Variants in PLXND1 observed in about 807,000 individuals in gnomAD.
PLXND1 encodes plexin D1, also known as plexin-D1.
A neutral mutation model predicts 197.7 loss-of-function variants in PLXND1; 54 were observed. The ratio of observed to expected loss-of-function variants is 0.27; its 90% CI spans 0.22 to 0.34. PLXND1 has a LOEUF of 0.34. PLXND1 is among the 10% of genes least tolerant of loss of function. The pLI, the probability that PLXND1 is intolerant of heterozygous loss-of-function variation, is 1.00. For missense variants in PLXND1, 2,127 were observed against 2,699.2 expected, an observed-to-expected ratio of 0.79 and a Z score of 4.70; for synonymous variants, 1,180 against 1,161.2, an observed-to-expected ratio of 1.02 and a Z score of -0.33.
Position 129,572,626 on chromosome 3 carries a change from G to C in PLXND1, c.3060C>G (p.Asp1020Glu). The C allele has an allele frequency of 6.3e-7, 1 of 1,581,286 alleles. No individual in the cohort carries two copies. The highest frequency in any genetic ancestry group is 2.2e-5 in the East Asian group (1 of 44,592). The change falls in exon 15 of 36, where the codon GAC (aspartate) becomes GAG (glutamate). Residue 1020 changes from aspartate to glutamate, a missense_variant. Transcript: ENST00000324093. ...AGGCTTACATCAGCTCCGTGCAGGG[G>C]TCTGTGTCGTTCACCAGGACCTGGA... Reference protein sequence around the residue: ...SELQVLVNDTDPCTELMRTDT... With the variant: ...SELQVLVNDTEPCTELMRTDT...
At position 129,555,358 on chromosome 3, in the gene PLXND1, G is replaced by A. The variant is rs1255108227; in HGVS notation, c.*954C>T. ...CATGGCCCATCGGCCACAGAGGGTC[G>A]TTTCTGGCAGGAACGGAGTGGGTGG... On this transcript the variant is annotated 3_prime_UTR_variant, in exon 36 of 36. Coordinates refer to ENST00000324093, the MANE Select transcript of PLXND1 (RefSeq NM_015103.3). 2.0e-5 allele frequency: 12 copies of A among 600,474 alleles called. No individual in the cohort carries two copies. Among genetic ancestry groups the A allele is most frequent in the Non-Finnish European group, 5.8e-6 (2 of 342,704 alleles). The allele number at this position is 600,474 out of a possible 1,614,324, so 37.2% of individuals were successfully genotyped here. A position where few individuals can be genotyped will look rare whatever the true frequency, so the allele number is the denominator to read the frequency against.
intron 8 of PLXND1, among the ~76,000 whole-genome samples, chr3:129,579,948 T>C: frequency 6.6e-6 from 1 of 152,166 alleles, no homozygotes; most frequent in Non-Finnish European, 1.5e-5. Context: ...ACGATAATGC[T>C]AATAACAGTG....
rs566693064 is a variant in PLXND1, at chr3:129,596,545, C to T, written c.1312-7018G>A. Among the ~76,000 whole-genome samples the T allele has an allele frequency of 8.3e-4, 126 of 152,268 alleles. No homozygotes were observed. The Middle Eastern group carries it at 0.01, about 12-fold the overall frequency. ...CTTCCCTGGCCCAGGGAAAAGGCTT[C>T]CCTCCCCCCAGCAGGAGGGGCAGAG... On this transcript the variant is annotated intron_variant, in intron 1 of 35. Transcript: ENST00000324093.
At chr3:129,576,851 G>T (rs2085321321) in intron 9 of PLXND1, among the ~76,000 whole-genome samples, 1 of 152,180 alleles carries the variant, frequency 6.6e-6, no homozygotes, top group South Asian at 2.1e-4. Flanking sequence ...TGTGTCATGA[G>T]GCTCAGTTCC....
intron 1 of PLXND1, among the ~76,000 whole-genome samples, chr3:129,597,432 G>A (rs1374193040): frequency 6.6e-6 from 1 of 152,354 alleles, no homozygotes; most frequent in African/African-American, 2.4e-5. Context: ...AGGCAAGGGG[G>A]TTTGGCCACT....
intron 8 of PLXND1, among the ~76,000 whole-genome samples, chr3:129,580,677 A>C (rs925534937): frequency 4.6e-5 from 7 of 151,716 alleles, no homozygotes; most frequent in African/African-American, 1.5e-4. Flanking sequence ...GTGGATGCTC[A>C]CCCCCATTCT....
At chr3:129,563,073 C>G in intron 26 of PLXND1, 21 bp downstream of exon 26, 1 of 1,613,160 alleles carries the variant, frequency 6.2e-7, no homozygotes, top group Non-Finnish European at 8.5e-7. Flanking sequence ...CCCTGGGACC[C>G]TCCCCGCCCT....
At chr3:129,566,720 T>TGGGCGGCTGGGGGAAACTGGCAC in intron 22 of PLXND1, 89 bp from the exon 23 acceptor site, 1 of 754,540 alleles carries the variant, frequency 1.3e-6, no homozygotes, top group Admixed American at 2.6e-5. Context: ...GGCACTGGCT[T>TGGGCGGCTGGGGGAAACTGGCAC]GGGCTGCTGG....
Position 129,605,465 on chromosome 3 carries a change from CG to C in PLXND1, c.1174del (p.Arg392AlafsTer69). 1 of 1,501,016 alleles carries C rather than the reference CG, an allele frequency of 6.7e-7. No homozygotes were observed. Among genetic ancestry groups the C allele is most frequent in the Non-Finnish European group, 8.8e-7 (1 of 1,132,158 alleles). The allele number at this position is 1,501,016 out of a possible 1,614,324, so 93.0% of individuals were successfully genotyped here. A position where few individuals can be genotyped will look rare whatever the true frequency, so the allele number is the denominator to read the frequency against. ...RAAPAALCAF[R>X]FADVRAAIRA... The stretch of plus-strand genomic sequence containing the variant: ...GATGGCGGCTCGCACGTCGGCGAAG[CG>C]GAAGGCGCAGAGTGCGGCCGGAGCA... On this transcript the variant is annotated frameshift_variant, in exon 1 of 36. Transcript: ENST00000324093. LOFTEE classifies it high-confidence loss of function.
At chr3:129,600,507 A>G (rs1409570856) in intron 1 of PLXND1, among the ~76,000 whole-genome samples, 2 of 152,116 alleles carry the variant, frequency 1.3e-5, no homozygotes, top group African/African-American at 4.8e-5. Context: ...TTATAATGAG[A>G]AAGAATGAGG....
At chr3:129,576,379 A>C (rs1333814015) in intron 9 of PLXND1, among the ~76,000 whole-genome samples, 1 of 152,194 alleles carries the variant, frequency 6.6e-6, no homozygotes, top group Non-Finnish European at 1.5e-5. Flanking sequence ...CCTGTTCTGA[A>C]GCCTTCCCAG....
intron 16 of PLXND1, 24 bp downstream of exon 16, chr3:129,571,653 G>A: frequency 6.2e-7 from 1 of 1,613,928 alleles, no homozygotes; most frequent in East Asian, 2.2e-5. Context: ...AGAGCCTGGG[G>A]GAAGGGCGGG....
rs2084968500 is a variant in PLXND1, at chr3:129,556,077, C to T, written c.*235G>A. The T allele has an allele frequency of 9.7e-6, 5 of 516,498 alleles. No homozygotes were observed. The highest frequency in any genetic ancestry group is 1.8e-5 in the Non-Finnish European group (5 of 285,378). 32.0% of individuals were successfully genotyped at this position (516,498 alleles called of 1,614,324 possible). A position where few individuals can be genotyped will look rare whatever the true frequency, so the allele number is the denominator to read the frequency against. ...GGCAGATGGGGGAGCCTGACCAGCT[C>T]TCTGGCCTCCATCCCAGAGACTGAT... On this transcript the variant is annotated 3_prime_UTR_variant, in exon 36 of 36. Transcript: ENST00000324093.
rs1034371528 is a variant in PLXND1, at chr3:129,577,829, G to A, written c.2346+500C>T. Among the ~76,000 whole-genome samples the A allele has an allele frequency of 1.3e-4, 20 of 152,214 alleles. No homozygotes were observed. The highest frequency in any genetic ancestry group is 4.3e-4 in the African/African-American group (18 of 41,460). On this transcript the variant is annotated intron_variant, in intron 9 of 35. Coordinates refer to ENST00000324093, the MANE Select transcript of PLXND1 (RefSeq NM_015103.3). This position sits in a 1 kb window ranked among gnomAD's most constrained non-coding sequence, Gnocchi z 5.0. Reference sequence around the variant, plus strand: ...CCAGCCCTGTGTTGTGTGATCTGGCGTCATCTACTTTTCCTTCCTGGGCCT... The same window carrying A: ...CCAGCCCTGTGTTGTGTGATCTGGCATCATCTACTTTTCCTTCCTGGGCCT...
At chr3:129,600,763 A>G (rs540573613) in intron 1 of PLXND1, among the ~76,000 whole-genome samples, 1 of 151,356 alleles carries the variant, frequency 6.6e-6, no homozygotes, top group Admixed American at 6.6e-5. Flanking sequence ...CCCAAACCCA[A>G]ATGTAAAGCC....
At chr3:129,603,350 A>G (rs1412107290) in intron 1 of PLXND1, among the ~76,000 whole-genome samples, 1 of 152,124 alleles carries the variant, frequency 6.6e-6, no homozygotes, top group Non-Finnish European at 1.5e-5. Context: ...GACCGTGGGA[A>G]CCAGAATGGT....
Position 129,557,296 on chromosome 3 carries a change from C to G in PLXND1, c.5446-73G>C. On this transcript the variant is annotated intron_variant, in intron 33 of 35. Coordinates refer to ENST00000324093, the MANE Select transcript of PLXND1 (RefSeq NM_015103.3). The surrounding 1 kb of genome is among the most constrained non-coding windows in gnomAD (Gnocchi z 4.8). ...GGATCTGGTCGTTTTCTGGATGAGC[C>G]CTCATCCCTCCTGCCACATAAGTGA... 3 of 1,513,066 alleles carry G rather than the reference C, an allele frequency of 2.0e-6. No individual in the cohort carries two copies. The highest frequency in any genetic ancestry group is 2.7e-6 in the Non-Finnish European group (3 of 1,095,206). The allele number at this position is 1,513,066 out of a possible 1,614,324, so 93.7% of individuals were successfully genotyped here. A position where few individuals can be genotyped will look rare whatever the true frequency, so the allele number is the denominator to read the frequency against.
At chr3:129,604,844 A>T (rs1056139184) in intron 1 of PLXND1, among the ~76,000 whole-genome samples, 2 of 152,212 alleles carry the variant, frequency 1.3e-5, no homozygotes, top group Non-Finnish European at 2.9e-5. Flanking sequence ...AGACATCTGC[A>T]GGGCCCTGGT....
At chr3:129,580,898 C>T (rs988431580) in intron 8 of PLXND1, among the ~76,000 whole-genome samples, 3 of 151,982 alleles carry the variant, frequency 2.0e-5, no homozygotes, top group Non-Finnish European at 2.9e-5. Flanking sequence ...CCGTAGTGAC[C>T]ACCTACACCT....
Sources: allele counts gnomAD v4.1 joint callset (sites outside exome capture counted in the v4.1 genomes callset), GRCh38; gene constraint gnomAD v4.1.1; non-coding constraint Gnocchi (gnomAD v3.1); transcripts MANE v1.5; gene names NCBI Gene and HGNC (gene_info 2026-07-23, HGNC 2026-07-21).